CUX1: variants seen among roughly 807,000 people sequenced by gnomAD.
The protein encoded by CUX1 is cut like homeobox 1, also known as protein CASP.
A neutral mutation model predicts 158.8 loss-of-function variants in CUX1; 31 were observed. The observed-to-expected ratio is 0.20, with a 90% confidence interval of 0.15 to 0.26. The LOEUF is 0.26. Among genes scored for constraint, CUX1 ranks in the 10% least tolerant of loss-of-function variants. CUX1 has a pLI of 1.00. For missense variants in CUX1, 1,589 were observed against 2,014.6 expected (o/e 0.79, Z 4.04); for synonymous variants, 879 against 862.1 (o/e 1.02, Z -0.34).
intron 2 of CUX1, among the ~76,000 whole-genome samples, chr7:101,936,731 C>T (rs1053945345): frequency 1.3e-5 from 2 of 152,264 alleles, no homozygotes; most frequent in East Asian, 1.9e-4. Context: ...CCATCCCCAC[C>T]GGCCTCCTCG....
At chr7:102,192,095 G>T (rs973185246) in intron 12 of CUX1, among the ~76,000 whole-genome samples, 1 of 152,136 alleles carries the variant, frequency 6.6e-6, no homozygotes, top group Non-Finnish European at 1.5e-5. Context: ...CCACTTCCTG[G>T]TGAACCAGCT....
intron 3 of CUX1, among the ~76,000 whole-genome samples, chr7:102,062,558 T>C (rs1295445668): frequency 6.6e-6 from 1 of 152,216 alleles, no homozygotes; most frequent in Middle Eastern, 3.2e-3. Context: ...TCACCCAGGC[T>C]GGAGTGCAGT....
rs1361763373 is a variant in CUX1, at chr7:102,028,160, T to C, written c.189+15T>C. 6.2e-7 allele frequency: 1 copy of C among 1,613,108 alleles called. No individual in the cohort carries two copies. Among genetic ancestry groups the C allele is most frequent in the African/African-American group, 1.3e-5 (1 of 74,902 alleles). On this transcript the variant is annotated intron_variant, in intron 3 of 23. Transcript: ENST00000292535. ...TCCAAGGAGAGGTAAGCTTTTCTAT[T>C]CATTTTCTATCCTGAGCCACCCTTC...
At chr7:101,905,981 C>G (rs1286455645) in intron 1 of CUX1, among the ~76,000 whole-genome samples, 1 of 151,982 alleles carries the variant, frequency 6.6e-6, no homozygotes, top group East Asian at 1.9e-4. Flanking sequence ...CGCCACCATG[C>G]CCAGCTAACT....
chr7:102,025,197 T>TC lies in CUX1; in HGVS notation c.142-2898dup, dbSNP rs532207655. Among the ~76,000 whole-genome samples the TC allele has an allele frequency of 2.7e-4, 41 of 152,286 alleles. 1 individual carries two copies. The South Asian group carries it at 6.6e-3, about 25-fold the overall frequency. On this transcript the variant is annotated intron_variant, in intron 2 of 23. Coordinates refer to ENST00000292535, the MANE Select transcript of CUX1 (RefSeq NM_181552.4). Reference sequence around the variant, plus strand: ...TCCAGGGTCATCTCCTGACTCATGATCCCTGACATAATCCCATCTGCAAAA... The same window carrying TC: ...TCCAGGGTCATCTCCTGACTCATGATCCCCTGACATAATCCCATCTGCAAAA...
In CUX1 at chr7:102,024,319, G is replaced by A. The variant is rs564090982; in HGVS notation, c.142-3779G>A. On this transcript the variant is annotated intron_variant, in intron 2 of 23. Coordinates refer to ENST00000292535, the MANE Select transcript of CUX1 (RefSeq NM_181552.4). ...CCTTCCCCTCTGAATCTGAGCCCTT[G>A]TTAAGCCTTTTTTTGTTTTTTCTTT... is the stretch of plus-strand genomic sequence containing the variant. Among the ~76,000 whole-genome samples, 7 of 152,136 alleles carry A rather than the reference G, an allele frequency of 4.6e-5. No individual in the cohort carries two copies. In the South Asian group the frequency reaches 1.5e-3, roughly 32 times the overall value.
rs916000046 is a variant in CUX1 at position 102,257,257 on chromosome 7, T to C, written c.*8215T>C. ...CCGGGGGCCCTGATTTTGTTCTCTC[T>C]TTGAAAGAAACCCTCCACCGAAACA... On this transcript the variant is annotated 3_prime_UTR_variant, in exon 24 of 24. Coordinates refer to ENST00000292535, the MANE Select transcript of CUX1 (RefSeq NM_181552.4). 3 of 985,262 alleles carry C rather than the reference T, an allele frequency of 3.0e-6. No individual in the cohort carries two copies. The highest frequency in any genetic ancestry group is 3.6e-6 in the Non-Finnish European group (3 of 829,910). 61.0% of individuals were successfully genotyped at this position (985,262 alleles called of 1,614,324 possible).
chr7:102,059,310 C>T (rs1379394287), intron 3 of CUX1, among the ~76,000 whole-genome samples: 5 of 152,162 alleles, frequency 3.3e-5, no homozygotes, highest in African/African-American at 1.2e-4. Context: ...GCGGCTTCTT[C>T]GGGGCCTCTC....
intron 2 of CUX1, chr7:101,960,675 C>T (rs1810363433): frequency 2.0e-5 from 3 of 152,094 alleles, no homozygotes; most frequent in South Asian, 4.2e-4. Flanking sequence ...CTTAATATAC[C>T]TTTTTTAATC....
At chr7:101,927,139 G>A (rs541048394) in intron 2 of CUX1, among the ~76,000 whole-genome samples, 1 of 120,542 alleles carries the variant, frequency 8.3e-6, no homozygotes, top group African/African-American at 3.0e-5. Context: ...TGTATCACCT[G>A]TCAACACAAC....
chr7:102,220,334 C>T (rs1797682868), intron 20 of CUX1, among the ~76,000 whole-genome samples: 1 of 152,200 alleles, frequency 6.6e-6, no homozygotes, highest in Non-Finnish European at 1.5e-5. Context: ...ACACTCCAGC[C>T]TGGGCAGCAG....
chr7:102,205,120 A>G lies in CUX1; in HGVS notation c.3080A>G (p.His1027Arg). ...TAACCTTTTTCTACTTTAGTCCTCCACTCCGTGACATCGCTCCAGGACCCG... is the reference window on the plus strand; with the variant it reads ...TAACCTTTTTCTACTTTAGTCCTCCGCTCCGTGACATCGCTCCAGGACCCG... ...VQGQQQGPVL[H>R]SVTSLQDPLQ... Residue 1027 changes from histidine (H) to arginine (R), a missense_variant, in exon 20 of 24, where the codon CAC becomes CGC. This residue lies in a region of CUX1 where 259 missense variants were observed against 373.8 expected (regional missense o/e 0.69). Transcript: ENST00000292535. The G allele has an allele frequency of 6.2e-7, 1 of 1,608,070 alleles. No individual in the cohort carries two copies. Among genetic ancestry groups the G allele is most frequent in the South Asian group, 1.1e-5 (1 of 90,922 alleles).
chr7:101,871,699 G>A (rs536520078), intron 1 of CUX1, among the ~76,000 whole-genome samples: 3 of 152,258 alleles, frequency 2.0e-5, no homozygotes, highest in South Asian at 2.1e-4. Flanking sequence ...CCTTGCCAGC[G>A]TCGCCTCGCA....
At chr7:102,116,781 C>G (rs1426712557) in intron 8 of CUX1, among the ~76,000 whole-genome samples, 2 of 152,310 alleles carry the variant, frequency 1.3e-5, no homozygotes, top group South Asian at 4.1e-4. Flanking sequence ...CACCTGCCCT[C>G]TGAAGTAAGA....
At chr7:101,893,158 CTTTTTTTTT>C (rs10589615) in intron 1 of CUX1, among the ~76,000 whole-genome samples, 11 of 64,930 alleles carry the variant, frequency 1.7e-4, no homozygotes, top group African/African-American at 6.7e-4. Flanking sequence ...ATTTTTATTA[CTTTTTTTTT>C]TTTTTTTTTT....
At chr7:101,890,058 G>A (rs1044046298) in intron 1 of CUX1, among the ~76,000 whole-genome samples, 13 of 152,254 alleles carry the variant, frequency 8.5e-5, no homozygotes, top group Non-Finnish European at 1.0e-4. Context: ...GGGATTTAGG[G>A]AGAGAGAAGG....
chr7:101,886,784 C>G (rs778067090), intron 1 of CUX1, among the ~76,000 whole-genome samples: 10 of 152,164 alleles, frequency 6.6e-5, no homozygotes, highest in Admixed American at 3.3e-4. Flanking sequence ...AGGCTGGGCA[C>G]GGCCACCTGC....
At chr7:102,218,280 T>A (rs1554525607) in intron 20 of CUX1, among the ~76,000 whole-genome samples, 1 of 151,894 alleles carries the variant, frequency 6.6e-6, no homozygotes, top group Non-Finnish European at 1.5e-5. Context: ...ACATGGAGGG[T>A]TTCCCCATTG....
intron 2 of CUX1, among the ~76,000 whole-genome samples, chr7:101,995,383 A>G (rs1470490958): frequency 6.6e-6 from 1 of 152,230 alleles, no homozygotes. Flanking sequence ...CATTTAAAAA[A>G]ATGAATGTGT....
Sources: gnomAD v4.1 joint callset for allele counts (sites outside exome capture counted in the v4.1 genomes callset) on GRCh38, gnomAD v4.1.1 for gene constraint, gnomAD v4.1.1 regional missense constraint, MANE v1.5 for transcripts, NCBI Gene and HGNC (gene_info 2026-07-23, HGNC 2026-07-21) for gene names.